LRRC8C: variants seen among roughly 807,000 people sequenced by gnomAD.
The protein encoded by LRRC8C is volume-regulated anion channel subunit LRRC8C.
LRRC8C carries 20 observed loss-of-function variants against 55.3 expected under a neutral mutation model. The ratio of observed to expected loss-of-function variants is 0.36; its 90% CI spans 0.25 to 0.53. LRRC8C has a LOEUF of 0.53. Ranked by LOEUF, LRRC8C falls within the 20% of genes least tolerant of loss-of-function variation. LRRC8C has a pLI of 0.92. For missense variants in LRRC8C, 659 were observed against 951.4 expected (o/e 0.69, Z 4.04); for synonymous variants, 376 against 360.7 (o/e 1.04, Z -0.48).
chr1:89,616,034 G>A, the LRRC8C span, among the ~76,000 whole-genome samples: 2 of 152,116 alleles, frequency 1.3e-5, no homozygotes, highest in South Asian at 4.1e-4. Flanking sequence ...TTTTGGCCCA[G>A]GTGAGACACC....
At chr1:89,630,446 C>A (rs750368862), upstream of LRRC8C, among the ~76,000 whole-genome samples, 1 of 152,192 alleles carries the variant, frequency 6.6e-6, no homozygotes, top group Non-Finnish European at 1.5e-5. Context: ...TATCACCAAC[C>A]TGTACATGGT....
the LRRC8C span, among the ~76,000 whole-genome samples, chr1:89,619,347 G>A: frequency 6.6e-6 from 1 of 151,318 alleles, no homozygotes; most frequent in Non-Finnish European, 1.5e-5. Context: ...ATATTAAATT[G>A]AAATAAAAAT....
chr1:89,635,427 C>T (rs974200123), intron 1 of LRRC8C, among the ~76,000 whole-genome samples: 1 of 152,124 alleles, frequency 6.6e-6, no homozygotes, highest in Non-Finnish European at 1.5e-5. Flanking sequence ...TACACATTAT[C>T]TCAGGTTCTT....
the LRRC8C span, among the ~76,000 whole-genome samples, chr1:89,627,350 A>C: frequency 4.5e-5 from 6 of 132,646 alleles, no homozygotes; most frequent in African/African-American, 1.6e-4. Flanking sequence ...GACCCATCTG[A>C]ACAATAATTC....
intron 1 of LRRC8C, among the ~76,000 whole-genome samples, chr1:89,652,843 A>G (rs1172545245): frequency 3.3e-5 from 5 of 152,188 alleles, no homozygotes; most frequent in Non-Finnish European, 7.3e-5. Flanking sequence ...GAAAAGGGAC[A>G]CAATTAAAAA....
intron 1 of LRRC8C, among the ~76,000 whole-genome samples, chr1:89,678,894 G>A (rs183200673): frequency 6.6e-6 from 1 of 152,164 alleles, no homozygotes; most frequent in Non-Finnish European, 1.5e-5. Context: ...GGGAATAGGG[G>A]ACTGGGACAG....
chr1:89,655,837 C>T (rs1407824087), intron 1 of LRRC8C, among the ~76,000 whole-genome samples: 2 of 152,186 alleles, frequency 1.3e-5, no homozygotes. Context: ...AGCCTGCATC[C>T]CATCTCAGAG....
chr1:89,679,457 G>T (rs1043683578), intron 1 of LRRC8C, among the ~76,000 whole-genome samples: 1 of 152,150 alleles, frequency 6.6e-6, no homozygotes, highest in Non-Finnish European at 1.5e-5. Context: ...AGGAGGCTGA[G>T]ACATGAGAAT....
At chr1:89,662,076 T>G (rs899939129) in intron 1 of LRRC8C, among the ~76,000 whole-genome samples, 12 of 152,132 alleles carry the variant, frequency 7.9e-5, no homozygotes, top group Non-Finnish European at 1.3e-4. Context: ...TCTTTTGGCC[T>G]CCCTGGGACA....
intron 2 of LRRC8C, among the ~76,000 whole-genome samples, chr1:89,704,939 CTA>C (rs1658432970): frequency 1.3e-5 from 2 of 151,884 alleles, no homozygotes; most frequent in South Asian, 4.2e-4. Context: ...ACCCAAAGGA[CTA>C]TAAATCATGC....
At chr1:89,709,599 AG>A (rs1200183299) in intron 2 of LRRC8C, among the ~76,000 whole-genome samples, 1 of 152,162 alleles carries the variant, frequency 6.6e-6, no homozygotes, top group African/African-American at 2.4e-5. Context: ...GGGTTCAGGC[AG>A]GGGTACAGAA....
At chr1:89,697,954 G>A (rs914497762) in intron 2 of LRRC8C, among the ~76,000 whole-genome samples, 1 of 152,158 alleles carries the variant, frequency 6.6e-6, no homozygotes, top group African/African-American at 2.4e-5. Flanking sequence ...AGTATGTATT[G>A]TCATTCCCAC....
chr1:89,630,907 A>C (rs1355842941), upstream of LRRC8C, among the ~76,000 whole-genome samples: 1 of 152,224 alleles, frequency 6.6e-6, no homozygotes, highest in Non-Finnish European at 1.5e-5. Context: ...TTTTTAGACT[A>C]GTGGCTTTCA....
At chr1:89,694,973 G>A (rs1048047196) in intron 2 of LRRC8C, among the ~76,000 whole-genome samples, 5 of 149,114 alleles carry the variant, frequency 3.4e-5, no homozygotes, top group Non-Finnish European at 5.9e-5. Context: ...CCAGGCTGGA[G>A]TGCAGTGGCT....
At chr1:89,616,768 C>A in the LRRC8C span, among the ~76,000 whole-genome samples, 3 of 152,122 alleles carry the variant, frequency 2.0e-5, no homozygotes, top group Non-Finnish European at 4.4e-5. Flanking sequence ...ACTCAGACAA[C>A]CCTGAATGCT....
At chr1:89,697,399 T>G (rs1658202928) in intron 2 of LRRC8C, among the ~76,000 whole-genome samples, 1 of 152,220 alleles carries the variant, frequency 6.6e-6, no homozygotes, top group African/African-American at 2.4e-5. Context: ...CAATTTCTTT[T>G]ATTCTACTCC....
intron 1 of LRRC8C, among the ~76,000 whole-genome samples, chr1:89,654,874 CT>C (rs3068067): frequency 0.012 from 1,561 of 129,290 alleles, 22 homozygotes; most frequent in African/African-American, 0.043. Context: ...TTTAGTAAGC[CT>C]TTTTTTTTTT....
In LRRC8C at chr1:89,701,699, C is replaced by A. The variant is rs367581517; in HGVS notation, c.139-11010C>A. The stretch of plus-strand genomic sequence containing the variant: ...CTCGACTAATTTTTGTATTATGATA[C>A]ACACATCTGCGAAAGATGGTAAAAC... On this transcript the variant is annotated intron_variant, in intron 2 of 2. Coordinates refer to ENST00000370454, the MANE Select transcript of LRRC8C (RefSeq NM_032270.5). Among the ~76,000 whole-genome samples the A allele has an allele frequency of 3.9e-5, 6 of 152,228 alleles. No individual in the cohort carries two copies. The East Asian group carries it at 1.2e-3, about 29-fold the overall frequency.
chr1:89,713,913 C>G lies in LRRC8C; in HGVS notation c.1343C>G (p.Ser448Cys). Residue 448 changes from serine to cysteine, a missense_variant, in exon 3 of 3, where the codon TCT (serine) becomes TGT (cysteine). Ser to Cys is a moderately radical substitution (Grantham distance 112). Around this residue, in one of 5 missense-constraint regions of LRRC8C, gnomAD observed 344 missense variants for 464.6 expected, o/e 0.74. Coordinates refer to ENST00000370454, the MANE Select transcript of LRRC8C (RefSeq NM_032270.5). The surrounding 1 kb of genome is among the most constrained non-coding windows in gnomAD (Gnocchi z 5.2). ...DTVFEITELQ[S>C]LKLEIIKNVM... ...GTTTTTGAAATCACAGAGTTGCAATCTCTAAAACTTGAAATCATTAAGAAC... is the reference window on the plus strand; with the variant it reads ...GTTTTTGAAATCACAGAGTTGCAATGTCTAAAACTTGAAATCATTAAGAAC... 1 of 1,614,072 alleles carries G rather than the reference C, an allele frequency of 6.2e-7. No individual in the cohort carries two copies. The highest frequency in any genetic ancestry group is 2.2e-5 in the East Asian group (1 of 44,886).
Sources: allele counts gnomAD v4.1 joint callset (sites outside exome capture counted in the v4.1 genomes callset), GRCh38; gene constraint gnomAD v4.1.1; regional missense constraint gnomAD v4.1.1; non-coding constraint Gnocchi (gnomAD v3.1); transcripts MANE v1.5; gene names NCBI Gene and HGNC (gene_info 2026-07-23, HGNC 2026-07-21).